Variants in SEMA3A observed in about 807,000 individuals in gnomAD.
The protein encoded by SEMA3A is semaphorin 3A.
Under a neutral mutation model 97.9 loss-of-function variants are expected in SEMA3A, and 29 were observed. The observed-to-expected ratio is 0.30, with a 90% CI of 0.22 to 0.40. SEMA3A has a LOEUF of 0.40. Among genes scored for constraint, SEMA3A ranks in the 10% least tolerant of loss-of-function variants. The pLI, the probability that SEMA3A is intolerant of heterozygous loss-of-function variation, is 1.00. For synonymous variants in SEMA3A, 321 were observed against 323.7 expected (o/e 0.99, Z 0.09); for missense variants, 763 against 951.3 (o/e 0.80, Z 2.60).
Position 84,463,237 on chromosome 7 carries a change from CTTTTTTTTTTTTT to C in SEMA3A, c.-246+29210_-246+29222del, listed in dbSNP as rs59465422. ...ATTACTTTAGTATTTTGTAACTATTCTTTTTTTTTTTTTTTTTTTTTTTTTTTTTAGGAGGGAC... is the reference window on the plus strand; with the variant it reads ...ATTACTTTAGTATTTTGTAACTATTCTTTTTTTTTTTTTTTTAGGAGGGAC... On this transcript the variant is annotated intron_variant, in intron 1 of 3. Transcript: ENST00000424555. Among the ~76,000 whole-genome samples, 71 of 71,374 alleles carry C rather than the reference CTTTTTTTTTTTTT, an allele frequency of 9.9e-4. 2 individuals are homozygous for C. Among genetic ancestry groups the C allele is most frequent in the Middle Eastern group, 8.6e-3 (1 of 116 alleles). The allele number at this position is 71,374 out of a possible 152,430, so 46.8% of individuals were successfully genotyped here. A position where few individuals can be genotyped will look rare whatever the true frequency, so the allele number is the denominator to read the frequency against.
intron 3 of SEMA3A, among the ~76,000 whole-genome samples, chr7:84,212,327 A>G (rs1798647824): frequency 6.6e-6 from 1 of 152,232 alleles, no homozygotes; most frequent in Non-Finnish European, 1.5e-5. Flanking sequence ...TATTTAGAAC[A>G]CACAGTTTTT....
At position 84,079,960 on chromosome 7, in the gene SEMA3A, C is replaced by T. The variant is rs577548120; in HGVS notation, c.454-19402G>A. Among the ~76,000 whole-genome samples, 460 of 145,778 alleles carry T rather than the reference C, an allele frequency of 3.2e-3. 3 individuals are homozygous for T. Among genetic ancestry groups the T allele is most frequent in the Non-Finnish European group, 4.8e-3 (325 of 67,178 alleles). ...AAAGACTTGGAACCAACCCAAATGT[C>T]CAACAATGATAGACTGGATTAAGAA... On this transcript the variant is annotated intron_variant, in intron 4 of 16. Transcript: ENST00000265362.
At chr7:83,988,371 C>T (rs543594393) in intron 12 of SEMA3A, among the ~76,000 whole-genome samples, 1 of 151,932 alleles carries the variant, frequency 6.6e-6, no homozygotes, top group Admixed American at 6.6e-5. Flanking sequence ...GGACTACAGG[C>T]GCCCACCACC....
intron 6 of SEMA3A, among the ~76,000 whole-genome samples, chr7:84,040,424 A>G (rs1792097255): frequency 6.6e-6 from 1 of 152,082 alleles, no homozygotes; most frequent in African/African-American, 2.4e-5. Context: ...TCAATAGTTG[A>G]GCAAGCCACA....
intron 1 of SEMA3A, among the ~76,000 whole-genome samples, chr7:84,463,501 GCCTC>G (rs1383314740): frequency 6.6e-6 from 1 of 151,924 alleles, no homozygotes; most frequent in Non-Finnish European, 1.5e-5. Flanking sequence ...GCCCACCTTG[GCCTC>G]CCAAAGTGCT....
intron 1 of SEMA3A, among the ~76,000 whole-genome samples, chr7:84,172,744 A>G (rs575557242): frequency 6.6e-6 from 1 of 152,272 alleles, no homozygotes; most frequent in East Asian, 1.9e-4. Flanking sequence ...GCCACTTAAA[A>G]GTGTAAAAAC....
At chr7:84,358,083 G>C (rs935834840) in intron 2 of SEMA3A, among the ~76,000 whole-genome samples, 5 of 152,130 alleles carry the variant, frequency 3.3e-5, no homozygotes, top group Non-Finnish European at 7.3e-5. Context: ...CCATTCTGTA[G>C]GTTGCCTGTT....
At chr7:84,266,908 AAAT>A (rs1382277151) in intron 3 of SEMA3A, among the ~76,000 whole-genome samples, 3 of 152,164 alleles carry the variant, frequency 2.0e-5, no homozygotes, top group Non-Finnish European at 4.4e-5. Context: ...ATTATAAGTG[AAAT>A]AATAGTCAAA....
In SEMA3A at chr7:84,252,350, C is replaced by A. The variant is rs80244304; in HGVS notation, c.-83+54857G>T. Among the ~76,000 whole-genome samples the A allele has an allele frequency of 3.7e-3, 558 of 152,226 alleles. 1 individual carries two copies. Among genetic ancestry groups the A allele is most frequent in the African/African-American group, 0.012 (510 of 41,550 alleles). ...AAAGAAGAAAGATGAGAAAACAATT[C>A]GTAGTCAAATAGAAGGGTACTGACC... is the stretch of plus-strand genomic sequence containing the variant. On this transcript the variant is annotated intron_variant, in intron 3 of 3. Coordinates refer to the SEMA3A transcript ENST00000424555.
intron 2 of SEMA3A, among the ~76,000 whole-genome samples, chr7:84,354,359 A>C (rs1802505963): frequency 6.6e-6 from 1 of 151,660 alleles, no homozygotes; most frequent in African/African-American, 2.4e-5. Flanking sequence ...TTTTTTATAC[A>C]ACAGATATGG....
At chr7:84,208,339 C>G (rs183981358) in intron 3 of SEMA3A, among the ~76,000 whole-genome samples, 4 of 151,800 alleles carry the variant, frequency 2.6e-5, no homozygotes, top group East Asian at 3.9e-4. Flanking sequence ...GTAATCCCAG[C>G]TACTGGGGAG....
At chr7:84,387,793 A>G (rs1295607553) in intron 1 of SEMA3A, among the ~76,000 whole-genome samples, 1 of 152,160 alleles carries the variant, frequency 6.6e-6, no homozygotes, top group Non-Finnish European at 1.5e-5. Context: ...AAAACTCTAC[A>G]TTTGTTTGAT....
At chr7:84,046,808 C>A (rs1792372486) in intron 5 of SEMA3A, among the ~76,000 whole-genome samples, 1 of 151,956 alleles carries the variant, frequency 6.6e-6, no homozygotes, top group East Asian at 1.9e-4. Context: ...CACTTGCTTT[C>A]ATATGTGTAA....
intron 1 of SEMA3A, among the ~76,000 whole-genome samples, chr7:84,454,519 A>T (rs1188383492): frequency 6.6e-6 from 1 of 152,186 alleles, no homozygotes; most frequent in Non-Finnish European, 1.5e-5. Flanking sequence ...TAAAACAGTA[A>T]CTTTAAATAT....
intron 5 of SEMA3A, among the ~76,000 whole-genome samples, chr7:84,046,988 C>A (rs1792380289): frequency 6.6e-6 from 1 of 151,788 alleles, no homozygotes; most frequent in Admixed American, 6.6e-5. Flanking sequence ...TTTTTCTTGC[C>A]AGAATTTTTT....
intron 3 of SEMA3A, among the ~76,000 whole-genome samples, chr7:84,121,596 A>T (rs1583997124): frequency 8.7e-6 from 1 of 115,216 alleles, no homozygotes; most frequent in Non-Finnish European, 1.8e-5. Context: ...ACATTTTCTT[A>T]ATCCAGTCTA....
chr7:84,344,028 A>G (rs1387233573), intron 2 of SEMA3A, among the ~76,000 whole-genome samples: 1 of 152,130 alleles, frequency 6.6e-6, no homozygotes, highest in African/African-American at 2.4e-5. Context: ...AAAAAAGAAA[A>G]TTTGTAATAT....
At chr7:84,331,261 G>T (rs938106691) in intron 2 of SEMA3A, among the ~76,000 whole-genome samples, 1 of 152,088 alleles carries the variant, frequency 6.6e-6, no homozygotes, top group Non-Finnish European at 1.5e-5. Flanking sequence ...GTATTTGGAA[G>T]AATTTTTGGC....
intron 1 of SEMA3A, 78 bp downstream of exon 1, chr7:84,194,397 G>A: frequency 2.2e-6 from 2 of 893,554 alleles, no homozygotes; most frequent in Non-Finnish European, 3.7e-6. Context: ...ATGATTTGGG[G>A]TTGGGAGGGA....
Sources: gnomAD v4.1 joint callset for allele counts (sites outside exome capture counted in the v4.1 genomes callset) on GRCh38, gnomAD v4.1.1 for gene constraint, MANE v1.5 for transcripts, NCBI Gene and HGNC (gene_info 2026-07-23, HGNC 2026-07-21) for gene names.